The following GRM7 variants were observed in gnomAD, a reference collection of about 807,000 sequenced individuals.
The protein encoded by GRM7 is metabotropic glutamate receptor 7.
GRM7 carries 35 observed loss-of-function variants against 84.5 expected under a neutral mutation model. The observed-to-expected ratio is 0.41, with a 90% CI of 0.32 to 0.55. The LOEUF (loss-of-function observed/expected upper bound fraction) is 0.55. GRM7 is among the 20% of genes least tolerant of loss of function. The pLI is 0.19. For synonymous variants in GRM7, 487 were observed against 455.1 expected (o/e 1.07, Z -0.89); for missense variants, 1,003 against 1,194.6 (o/e 0.84, Z 2.36).
chr3:7,173,767 T>G (rs936710970), intron 2 of GRM7, among the ~76,000 whole-genome samples: 1 of 152,172 alleles, frequency 6.6e-6, no homozygotes, highest in Non-Finnish European at 1.5e-5. Flanking sequence ...TTGGCTCAGA[T>G]TTCACTACTT....
At chr3:7,056,942 AT>A (rs1393971869) in intron 1 of GRM7, among the ~76,000 whole-genome samples, 1 of 151,950 alleles carries the variant, frequency 6.6e-6, no homozygotes, top group Non-Finnish European at 1.5e-5. Context: ...TAAAAATCTC[AT>A]TTTCTTTTTC....
At chr3:7,644,754 C>A (rs1010934666) in intron 8 of GRM7, among the ~76,000 whole-genome samples, 3 of 152,152 alleles carry the variant, frequency 2.0e-5, no homozygotes, top group Non-Finnish European at 2.9e-5. Flanking sequence ...TTAAGGCCAA[C>A]TTTATCTGGA....
intron 1 of GRM7, among the ~76,000 whole-genome samples, chr3:7,138,066 A>T (rs1693827154): frequency 6.6e-6 from 1 of 152,062 alleles, no homozygotes; most frequent in Non-Finnish European, 1.5e-5. Flanking sequence ...GTTTCTATAG[A>T]TATAATTTTA....
At chr3:7,684,620 T>G (rs1008248051) in intron 9 of GRM7, among the ~76,000 whole-genome samples, 1 of 152,242 alleles carries the variant, frequency 6.6e-6, no homozygotes, top group African/African-American at 2.4e-5. Flanking sequence ...TATACTACCA[T>G]ATTTTTTCCT....
intron 1 of GRM7, among the ~76,000 whole-genome samples, chr3:7,080,760 A>G (rs142385136): frequency 6.6e-6 from 1 of 152,178 alleles, no homozygotes; most frequent in East Asian, 1.9e-4. Flanking sequence ...CCATACTTAT[A>G]TGACATACAT....
chr3:7,445,020 CGTT>C (rs1575345634), intron 5 of GRM7, among the ~76,000 whole-genome samples: 1 of 152,100 alleles, frequency 6.6e-6, no homozygotes, highest in Non-Finnish European at 1.5e-5. Context: ...GGCCTTTCTG[CGTT>C]GTTTTCTTCC....
intron 2 of GRM7, among the ~76,000 whole-genome samples, chr3:7,170,890 C>T (rs778103954): frequency 6.6e-6 from 1 of 152,168 alleles, no homozygotes; most frequent in African/African-American, 2.4e-5. Context: ...TCATTTCCTC[C>T]TGGTCCTTCA....
intron 7 of GRM7, among the ~76,000 whole-genome samples, chr3:7,508,438 G>A (rs1054252257): frequency 2.0e-5 from 3 of 151,998 alleles, no homozygotes; most frequent in Non-Finnish European, 4.4e-5. Flanking sequence ...CATTTATAGA[G>A]TAAATAATAT....
chr3:7,234,611 C>T (rs1039534791), intron 2 of GRM7, among the ~76,000 whole-genome samples: 1 of 152,108 alleles, frequency 6.6e-6, no homozygotes, highest in Admixed American at 6.5e-5. Context: ...AGAGATCATA[C>T]TGCATGATTA....
chr3:6,962,724 AG>A (rs933642428), intron 1 of GRM7, among the ~76,000 whole-genome samples: 93 of 152,318 alleles, frequency 6.1e-4, no homozygotes, highest in African/African-American at 2.2e-3. Context: ...ACTGACTAAA[AG>A]TCTTGCTCTT....
intron 7 of GRM7, among the ~76,000 whole-genome samples, chr3:7,565,080 C>G (rs1694197663): frequency 6.6e-6 from 1 of 152,296 alleles, no homozygotes; most frequent in African/African-American, 2.4e-5. Flanking sequence ...GACATTTAAG[C>G]TGCAAACATT....
chr3:6,927,463 GAGAAAGAA>G (rs796767040), intron 1 of GRM7, among the ~76,000 whole-genome samples: 1,786 of 93,192 alleles, frequency 0.019, 25 homozygotes, highest in Middle Eastern at 0.044. Flanking sequence ...GAAAGAGAGA[GAGAAAGAA>G]AGAAAGAAAG....
At chr3:7,686,283 AAAT>A (rs757385440) in intron 9 of GRM7, 155 of 702,812 alleles carry the variant, frequency 2.2e-4, no homozygotes, top group Non-Finnish European at 3.4e-4. Flanking sequence ...CCCAAAAGGA[AAAT>A]AATAATAATA....
rs1167450366 is a variant in GRM7, at chr3:7,741,082, A to T, written c.*676A>T. 3 of 152,632 alleles carry T rather than the reference A, an allele frequency of 2.0e-5. No individual in the cohort carries two copies. 9.5% of individuals were successfully genotyped at this position (152,632 alleles called of 1,614,324 possible). ...AAAGTATGCCCCACCTATCTTTGGT[A>T]TATGATAGGTTACATAAAAGGAAGG... On this transcript the variant is annotated 3_prime_UTR_variant, in exon 10 of 10. Coordinates refer to ENST00000357716, the MANE Select transcript of GRM7 (RefSeq NM_000844.4).
chr3:6,980,395 G>A (rs551694230), intron 1 of GRM7, among the ~76,000 whole-genome samples: 1 of 152,208 alleles, frequency 6.6e-6, no homozygotes, highest in Non-Finnish European at 1.5e-5. Context: ...GGAGCCATGG[G>A]TGAATTTGTT....
At chr3:7,413,175 A>G (rs1322213137) in intron 4 of GRM7, among the ~76,000 whole-genome samples, 3 of 152,176 alleles carry the variant, frequency 2.0e-5, no homozygotes, top group Non-Finnish European at 4.4e-5. Flanking sequence ...TGACGGCTTG[A>G]TGACTTCAGC....
At position 7,386,466 on chromosome 3, in the gene GRM7, A is replaced by G. The variant is rs112453054; in HGVS notation, c.1034-28557A>G. ...GGAATCTCCAGTGTCTATTGTTCTC[A>G]TCTTTCTGTTCATGTTTACCCAATG... On this transcript the variant is annotated intron_variant, in intron 4 of 9. Transcript: ENST00000357716. Among the ~76,000 whole-genome samples, 649 of 152,082 alleles carry G rather than the reference A, an allele frequency of 4.3e-3. 4 individuals carry two copies. The highest frequency in any genetic ancestry group is 0.015 in the African/African-American group (618 of 41,470).
In GRM7 at chr3:6,922,366, A is replaced by G. The variant is rs1697156720; in HGVS notation, c.519+60459A>G. ...GAAGTCTTCTAGCTTTTTCGTGGTC[A>G]TAAGTAACTAATGATATGCTTCAAT... On this transcript the variant is annotated intron_variant, in intron 1 of 9. Coordinates refer to ENST00000357716, the MANE Select transcript of GRM7 (RefSeq NM_000844.4). 1.3e-5 allele frequency among the ~76,000 whole-genome samples: 2 copies of G among 152,244 alleles called. 1 individual carries two copies. The highest frequency in any genetic ancestry group is 4.1e-4 in the South Asian group (2 of 4,834).
Position 6,861,728 on chromosome 3 carries a change from T to TA in GRM7, c.341dup (p.Tyr114Ter). ...RILDTCSRDT[Y>*]ALEQSLTFVQ... Reference sequence around the variant, plus strand: ...CCTGGACACTTGTTCCAGGGACACTTACGCGCTCGAACAGTCGCTTACTTT... The same window carrying TA: ...CCTGGACACTTGTTCCAGGGACACTTAACGCGCTCGAACAGTCGCTTACTTT... The change falls in exon 1 of 10, where the codon TAC becomes TAAC. Residue 114 changes from tyrosine (Y) to a stop codon, truncating the protein, a stop_gained and frameshift_variant. Coordinates refer to ENST00000357716, the MANE Select transcript of GRM7 (RefSeq NM_000844.4). LOFTEE classifies it high-confidence loss of function. The surrounding 1 kb of genome is among the most constrained non-coding windows in gnomAD (Gnocchi z 6.4). 1 of 1,614,214 alleles carries TA rather than the reference T, an allele frequency of 6.2e-7. No homozygotes were observed. The highest frequency in any genetic ancestry group is 8.5e-7 in the Non-Finnish European group (1 of 1,180,036).
Sources: gnomAD v4.1 joint callset for allele counts (sites outside exome capture counted in the v4.1 genomes callset) on GRCh38, gnomAD v4.1.1 for gene constraint, Gnocchi (gnomAD v3.1) non-coding constraint, MANE v1.5 for transcripts, NCBI Gene and HGNC (gene_info 2026-07-23, HGNC 2026-07-21) for gene names.